The following GTF2B variants were observed in gnomAD, a reference collection of about 807,000 sequenced individuals.
GTF2B encodes transcription initiation factor IIB.
In GTF2B, 20 loss-of-function variants were observed where a neutral mutation model predicts 34.6. The observed-to-expected ratio is 0.58, with a 90% CI of 0.41 to 0.84. GTF2B has a LOEUF of 0.84. Ranked by LOEUF, GTF2B falls within the 40% of genes least tolerant of loss-of-function variation. GTF2B has a pLI of 0.00. For synonymous variants in GTF2B, 142 were observed against 132.4 expected (o/e 1.07, Z -0.50); for missense variants, 237 against 393.3 (o/e 0.60, Z 3.36).
At chr1:88,873,434 C>T (rs1020403936) in intron 2 of GTF2B, among the ~76,000 whole-genome samples, 1 of 151,882 alleles carries the variant, frequency 6.6e-6, no homozygotes, top group Admixed American at 6.6e-5. Context: ...CTCCTGACCT[C>T]GTGATCTGCC....
intron 5 of GTF2B, among the ~76,000 whole-genome samples, chr1:88,859,371 A>G (rs1364565435): frequency 6.6e-6 from 1 of 152,200 alleles, no homozygotes; most frequent in Non-Finnish European, 1.5e-5. Context: ...ATGAGTCTAC[A>G]TGGGAAAACA....
intron 1 of GTF2B, among the ~76,000 whole-genome samples, chr1:88,890,544 A>T (rs2100983742): frequency 6.6e-6 from 1 of 152,354 alleles, no homozygotes; most frequent in Non-Finnish European, 1.5e-5. Context: ...CTTTCAACAC[A>T]GGATTAGTTA....
intron 2 of GTF2B, among the ~76,000 whole-genome samples, chr1:88,880,382 T>A (rs1306614054): frequency 6.6e-6 from 1 of 152,242 alleles, no homozygotes; most frequent in Admixed American, 6.5e-5. Flanking sequence ...TGAACTGAGC[T>A]GGCAATGAAG....
intron 2 of GTF2B, among the ~76,000 whole-genome samples, chr1:88,869,646 G>A (rs1316510927): frequency 2.0e-5 from 3 of 151,514 alleles, no homozygotes; most frequent in African/African-American, 4.8e-5. Flanking sequence ...TTTTTCCCCC[G>A]AGACGGAGTC....
intron 6 of GTF2B, among the ~76,000 whole-genome samples, chr1:88,856,645 G>T (rs546112892): frequency 3.3e-5 from 5 of 152,138 alleles, no homozygotes; most frequent in Admixed American, 3.3e-4. Flanking sequence ...AAAAGAACTT[G>T]TAAGAATAAA....
intron 2 of GTF2B, among the ~76,000 whole-genome samples, chr1:88,885,714 C>T (rs1217461982): frequency 6.6e-6 from 1 of 152,176 alleles, no homozygotes; most frequent in Non-Finnish European, 1.5e-5. Flanking sequence ...CACGCCATTG[C>T]ACTCCAGCCT....
chr1:88,860,531 A>G (rs931836146), intron 3 of GTF2B, among the ~76,000 whole-genome samples: 1 of 152,172 alleles, frequency 6.6e-6, no homozygotes, highest in African/African-American at 2.4e-5. Context: ...TGGAAAAAGA[A>G]ACAGTCTAAT....
At chr1:88,889,356 T>C (rs957701525) in intron 1 of GTF2B, among the ~76,000 whole-genome samples, 10 of 152,146 alleles carry the variant, frequency 6.6e-5, no homozygotes, top group African/African-American at 2.4e-4. Flanking sequence ...GTGGTGAAGG[T>C]GGTAACAGAG....
At chr1:88,855,353 G>GTTTTTTT (rs1315421121) in intron 6 of GTF2B, among the ~76,000 whole-genome samples, 1 of 134,060 alleles carries the variant, frequency 7.5e-6, no homozygotes, top group African/African-American at 2.9e-5. Flanking sequence ...TTCACTTTCT[G>GTTTTTTT]TTTTTGTTTT....
At chr1:88,864,921 A>C (rs899491327) in intron 2 of GTF2B, among the ~76,000 whole-genome samples, 2 of 152,264 alleles carry the variant, frequency 1.3e-5, no homozygotes, top group Non-Finnish European at 2.9e-5. Flanking sequence ...AAATAAGATT[A>C]ACTAGCCTAA....
intron 1 of GTF2B, among the ~76,000 whole-genome samples, chr1:88,890,043 T>C (rs1674162423): frequency 6.6e-6 from 1 of 151,914 alleles, no homozygotes; most frequent in Non-Finnish European, 1.5e-5. Flanking sequence ...TAAAAAATAC[T>C]GCATTTAACT....
chr1:88,881,748 A>C (rs908108724), intron 2 of GTF2B, among the ~76,000 whole-genome samples: 5 of 152,226 alleles, frequency 3.3e-5, no homozygotes, highest in African/African-American at 2.4e-5. Context: ...ATAGAAAGTA[A>C]GTTTTATTGG....
chr1:88,855,376 TTG>T (rs1673279518), intron 6 of GTF2B, among the ~76,000 whole-genome samples: 1 of 151,122 alleles, frequency 6.6e-6, no homozygotes, highest in African/African-American at 2.4e-5. Flanking sequence ...TTTTTTTTTT[TTG>T]AGACAGTCCT....
intron 2 of GTF2B, among the ~76,000 whole-genome samples, chr1:88,878,931 G>C (rs930232378): frequency 6.6e-6 from 1 of 152,208 alleles, no homozygotes; most frequent in African/African-American, 2.4e-5. Context: ...AGTTATCATA[G>C]AAGCAGATCT....
chr1:88,858,741 G>A (rs1486547682), intron 5 of GTF2B: 1 of 152,200 alleles, frequency 6.6e-6, no homozygotes, highest in African/African-American at 2.4e-5. Flanking sequence ...GTGGAAGTCA[G>A]TGAGCAACAC....
chr1:88,861,655 ACT>A (rs755936646), intron 3 of GTF2B, among the ~76,000 whole-genome samples: 69 of 151,798 alleles, frequency 4.5e-4, no homozygotes, highest in Non-Finnish European at 1.0e-4. Flanking sequence ...CAAGCGCGAA[ACT>A]CTGTCTCAAA....
chr1:88,868,864 T>C (rs1053724115), intron 2 of GTF2B, among the ~76,000 whole-genome samples: 3 of 151,824 alleles, frequency 2.0e-5, no homozygotes, highest in African/African-American at 7.3e-5. Context: ...GCCTCCCGAG[T>C]AGCTGGGACT....
At chr1:88,867,261 C>A (rs1193993509) in intron 2 of GTF2B, among the ~76,000 whole-genome samples, 1 of 152,116 alleles carries the variant, frequency 6.6e-6, no homozygotes, top group Admixed American at 6.6e-5. Context: ...CTGTGTTTTT[C>A]GTTCATATGT....
Position 88,857,494 on chromosome 1 carries a change from G to C in GTF2B, c.536-7C>G. 1 of 1,470,788 alleles carries C rather than the reference G, an allele frequency of 6.8e-7. No individual in the cohort carries two copies. The highest frequency in any genetic ancestry group is 9.4e-7 in the Non-Finnish European group (1 of 1,061,682). The allele number at this position is 1,470,788 out of a possible 1,614,324, so 91.1% of individuals were successfully genotyped here. On this transcript the variant is annotated splice_polypyrimidine_tract_variant and splice_region_variant and intron_variant, in intron 5 of 6. Coordinates refer to ENST00000370500, the MANE Select transcript of GTF2B (RefSeq NM_001514.6). The stretch of plus-strand genomic sequence containing the variant: ...CGTGATACGGCACATATTTCTAAAA[G>C]AAAAAAAATTAAATAAATCAATTCA...
Sources: allele counts gnomAD v4.1 joint callset (sites outside exome capture counted in the v4.1 genomes callset), GRCh38; gene constraint gnomAD v4.1.1; transcripts MANE v1.5; gene names NCBI Gene and HGNC (gene_info 2026-07-23, HGNC 2026-07-21).